Variants in MARK2 observed in about 807,000 individuals in gnomAD.
The protein encoded by MARK2 is serine/threonine-protein kinase MARK2.
Under a neutral mutation model 89.8 loss-of-function variants are expected in MARK2, and 16 were observed. That is an observed-to-expected ratio of 0.18 (90% CI 0.12 to 0.27). The LOEUF is 0.27. MARK2 is among the 10% of genes least tolerant of loss of function. The pLI, the probability that MARK2 is intolerant of heterozygous loss-of-function variation, is 1.00. For missense variants in MARK2, 621 were observed against 1,049.9 expected, an observed-to-expected ratio of 0.59 and a Z score of 5.65; for synonymous variants, 382 against 399.5, an observed-to-expected ratio of 0.96 and a Z score of 0.52.
chr11:63,839,480 G>A lies in MARK2; in HGVS notation c.-27G>A. On this transcript the variant is annotated 5_prime_UTR_variant, in exon 1 of 19. Coordinates refer to ENST00000402010, the MANE Select transcript of MARK2 (RefSeq NM_001039469.3). ...TTCCCTCCCTTCCTCCAAGCTTCTC[G>A]GTTCCCTCCCCCGAGATACCGGCGC... is the stretch of plus-strand genomic sequence containing the variant. 1.4e-6 allele frequency: 2 copies of A among 1,473,542 alleles called. No individual in the cohort carries two copies. Among genetic ancestry groups the A allele is most frequent in the Non-Finnish European group, 9.2e-7 (1 of 1,086,412 alleles). The allele number at this position is 1,473,542 out of a possible 1,614,324, so 91.3% of individuals were successfully genotyped here.
At chr11:63,891,403 T>C (rs1255074688) in intron 1 of MARK2, among the ~76,000 whole-genome samples, 4 of 152,204 alleles carry the variant, frequency 2.6e-5, no homozygotes, top group Admixed American at 2.6e-4. Flanking sequence ...GTTGTTAAGC[T>C]CCTTGAGGCC....
intron 1 of MARK2, among the ~76,000 whole-genome samples, chr11:63,852,349 A>T (rs2016613787): frequency 6.6e-6 from 1 of 152,192 alleles, no homozygotes; most frequent in East Asian, 1.9e-4. Context: ...CCTTATTTTG[A>T]AATCCCAGCA....
chr11:63,866,471 A>G (rs749177250), intron 1 of MARK2, among the ~76,000 whole-genome samples: 2 of 152,196 alleles, frequency 1.3e-5, no homozygotes, highest in Non-Finnish European at 2.9e-5. Flanking sequence ...GTTAAAACCA[A>G]TCTCTTAATG....
In MARK2 at chr11:63,900,621, T is replaced by G; in HGVS notation, c.831T>G (p.Cys277Trp). The G allele has an allele frequency of 6.2e-7, 1 of 1,614,054 alleles. No individual in the cohort carries two copies. The highest frequency in any genetic ancestry group is 8.5e-7 in the Non-Finnish European group (1 of 1,179,990). ...TTCCATTCTACATGTCCACGGACTGTGAAAACCTGCTTAAGAAATTTCTCA... is the reference window on the plus strand; with the variant it reads ...TTCCATTCTACATGTCCACGGACTGGGAAAACCTGCTTAAGAAATTTCTCA... ...YRIPFYMSTDCENLLKKFLIL... is the reference protein window; with the variant it reads ...YRIPFYMSTDWENLLKKFLIL... Residue 277 changes from cysteine (C) to tryptophan (W), a missense_variant, in exon 9 of 19, where the codon TGT (cysteine) becomes TGG (tryptophan). Cys to Trp is a radical substitution (Grantham distance 215). Around this residue, in one of 5 missense-constraint regions of MARK2, gnomAD observed 82 missense variants for 287.7 expected, o/e 0.29. Transcript: ENST00000402010. This position sits in a 1 kb window ranked among gnomAD's most constrained non-coding sequence, Gnocchi z 4.7.
chr11:63,882,354 T>C (rs764326610), intron 1 of MARK2, among the ~76,000 whole-genome samples: 13 of 152,206 alleles, frequency 8.5e-5, no homozygotes, highest in African/African-American at 2.9e-4. Context: ...GAGGCCGAGC[T>C]GGGCGGATCA....
At chr11:63,871,430 G>T (rs1224250680) in intron 1 of MARK2, among the ~76,000 whole-genome samples, 3 of 151,522 alleles carry the variant, frequency 2.0e-5, no homozygotes, top group African/African-American at 4.9e-5. Flanking sequence ...TGGCTGAAGA[G>T]TATTCACCGT....
chr11:63,910,330 T>TCGCCCCCTCCTCTCAGGAGACACTGC lies in MARK2; in HGVS notation c.*1096_*1121dup. 6.6e-6 allele frequency: 1 copy of TCGCCCCCTCCTCTCAGGAGACACTGC among 152,476 alleles called. No homozygotes were observed. 9.4% of individuals were successfully genotyped at this position (152,476 alleles called of 1,614,324 possible). ...GCCTTGCCTTTTCTTCCTGACACTG[T>TCGCCCCCTCCTCTCAGGAGACACTGC]CGCCCCCTCCTCTCAGGAGACACTG... On this transcript the variant is annotated 3_prime_UTR_variant, in exon 19 of 19. Transcript: ENST00000402010.
chr11:63,894,620 C>T (rs1221874482), intron 1 of MARK2, among the ~76,000 whole-genome samples: 3 of 152,088 alleles, frequency 2.0e-5, no homozygotes, highest in Non-Finnish European at 2.9e-5. Context: ...TGCTTGAACC[C>T]GGGAGGTGGA....
intron 1 of MARK2, among the ~76,000 whole-genome samples, chr11:63,889,263 T>G (rs1391673949): frequency 1.3e-5 from 2 of 152,118 alleles, no homozygotes; most frequent in East Asian, 3.9e-4. Flanking sequence ...AGGGGGAGCC[T>G]AGGATCTGGG....
chr11:63,897,766 C>T (rs1440937218), intron 3 of MARK2, among the ~76,000 whole-genome samples: 3 of 152,212 alleles, frequency 2.0e-5, no homozygotes, highest in Non-Finnish European at 4.4e-5. Context: ...GGCCTATCCC[C>T]TAGAACAGAG....
chr11:63,898,150 A>G (rs1565137123), intron 3 of MARK2, 82 bp from the exon 4 acceptor site: 2 of 1,298,762 alleles, frequency 1.5e-6, no homozygotes, highest in East Asian at 2.4e-5. Flanking sequence ...TTTTGGGAAA[A>G]ACAAATCCTG....
intron 1 of MARK2, among the ~76,000 whole-genome samples, chr11:63,892,904 A>AT (rs896527484): frequency 0.056 from 6,369 of 114,678 alleles, 383 homozygotes; most frequent in African/African-American, 0.12. Context: ...TGATTTCTTA[A>AT]TTTTTTTTTT....
chr11:63,847,601 G>C (rs2016347294), intron 1 of MARK2, among the ~76,000 whole-genome samples: 1 of 152,208 alleles, frequency 6.6e-6, no homozygotes, highest in Admixed American at 6.5e-5. Flanking sequence ...TGTTCGTTGA[G>C]GCGAAAGTTT....
At chr11:63,863,782 T>C (rs562236487) in intron 1 of MARK2, among the ~76,000 whole-genome samples, 1 of 148,426 alleles carries the variant, frequency 6.7e-6, no homozygotes, top group African/African-American at 2.5e-5. Flanking sequence ...CCACCACCAC[T>C]TTTTTTTTGA....
chr11:63,898,148 A>G, intron 3 of MARK2, 84 bp from the exon 4 acceptor site: 1 of 1,282,554 alleles, frequency 7.8e-7, no homozygotes, highest in Non-Finnish European at 1.1e-6. Flanking sequence ...TTTTTTGGGA[A>G]AAACAAATCC....
rs1343615316 is a variant in MARK2, at chr11:63,902,438, CTTA to C, written c.1234+112_1234+114del. 18 of 1,493,064 alleles carry C rather than the reference CTTA, an allele frequency of 1.2e-5. No homozygotes were observed. The highest frequency in any genetic ancestry group is 1.6e-5 in the Non-Finnish European group (17 of 1,082,732). The allele number at this position is 1,493,064 out of a possible 1,614,324, so 92.5% of individuals were successfully genotyped here. ...CTAAGTTTCAGTCCTGGTTCAGCCA[CTTA>C]TTAGTAGTGTGGCTATGGGCAAGCC... is the stretch of plus-strand genomic sequence containing the variant. On this transcript the variant is annotated intron_variant, in intron 12 of 18. Coordinates refer to ENST00000402010, the MANE Select transcript of MARK2 (RefSeq NM_001039469.3). This position sits in a 1 kb window ranked among gnomAD's most constrained non-coding sequence, Gnocchi z 4.2.
At chr11:63,852,537 G>C (rs988877704) in intron 1 of MARK2, among the ~76,000 whole-genome samples, 12 of 151,682 alleles carry the variant, frequency 7.9e-5, no homozygotes, top group Non-Finnish European at 2.9e-5. Flanking sequence ...TGGATTGTTG[G>C]CTTAAAAAAG....
rs112995059 is a variant in MARK2 at position 63,851,907 on chromosome 11, C to A, written c.54+12347C>A. Among the ~76,000 whole-genome samples the A allele has an allele frequency of 2.5e-3, 379 of 152,248 alleles. 2 individuals are homozygous for A. Among genetic ancestry groups the A allele is most frequent in the Middle Eastern group, 0.017 (5 of 294 alleles). ...TGTTGCCTCTAACCCATCAGGAATGCCATAAGTATAGACCCTGTCTTGGGA... is the reference window on the plus strand; with the variant it reads ...TGTTGCCTCTAACCCATCAGGAATGACATAAGTATAGACCCTGTCTTGGGA... On this transcript the variant is annotated intron_variant, in intron 1 of 18. Coordinates refer to ENST00000402010, the MANE Select transcript of MARK2 (RefSeq NM_001039469.3).
rs756757826 is a variant in MARK2, at chr11:63,900,681, G to A, written c.888+3G>A. 2.5e-6 allele frequency: 4 copies of A among 1,613,890 alleles called. No homozygotes were observed. The African/African-American group carries it at 5.3e-5, about 22-fold the overall frequency. On this transcript the variant is annotated splice_donor_region_variant and intron_variant, in intron 9 of 18. Coordinates refer to ENST00000402010, the MANE Select transcript of MARK2 (RefSeq NM_001039469.3). The surrounding 1 kb of genome is among the most constrained non-coding windows in gnomAD (Gnocchi z 4.7). ...CCAGCAAGAGAGGCACTTTAGAGGT[G>A]AGCAGTGGAGCCCAACTGGCGGAAG...
Sources: gnomAD v4.1 joint callset for allele counts (sites outside exome capture counted in the v4.1 genomes callset) on GRCh38, gnomAD v4.1.1 for gene constraint, gnomAD v4.1.1 regional missense constraint, Gnocchi (gnomAD v3.1) non-coding constraint, MANE v1.5 for transcripts, NCBI Gene and HGNC (gene_info 2026-07-23, HGNC 2026-07-21) for gene names.